ENPP3: variants seen among roughly 807,000 people sequenced by gnomAD.
The protein encoded by ENPP3 is ectonucleotide pyrophosphatase/phosphodiesterase family member 3.
Under a neutral mutation model 117.8 loss-of-function variants are expected in ENPP3, and 104 were observed. The ratio of observed to expected loss-of-function variants is 0.88; its 90% confidence interval spans 0.75 to 1.04. The LOEUF (loss-of-function observed/expected upper bound fraction) is 1.04. ENPP3 is among the 50% of genes least tolerant of loss of function. The pLI, the probability that ENPP3 is intolerant of heterozygous loss-of-function variation, is 0.00. For missense variants in ENPP3, 1,026 were observed against 1,051.9 expected (o/e 0.98, Z 0.34); for synonymous variants, 380 against 349.9 (o/e 1.09, Z -0.96).
At chr6:131,701,926 G>A (rs570409731) in intron 15 of ENPP3, among the ~76,000 whole-genome samples, 4 of 150,282 alleles carry the variant, frequency 2.7e-5, no homozygotes, top group East Asian at 3.9e-4. Context: ...GCGTGCACAC[G>A]TATACATAGG....
rs1033162101 is a variant in ENPP3 at position 131,658,764 on chromosome 6, C to T, written c.562+344C>T. Among the ~76,000 whole-genome samples, 7 of 152,154 alleles carry T rather than the reference C, an allele frequency of 4.6e-5. No individual in the cohort carries two copies. In the South Asian group the frequency reaches 1.0e-3, roughly 23 times the overall value. ...CTGGGCCTTAGCAAGGAGAATATAG[C>T]GAGAACCGGATCCTGAAGGAGCCTG... On this transcript the variant is annotated intron_variant, in intron 6 of 24. Transcript: ENST00000357639.
chr6:131,736,098 T>A (rs1041891800), intron 21 of ENPP3, among the ~76,000 whole-genome samples: 1 of 152,224 alleles, frequency 6.6e-6, no homozygotes, highest in South Asian at 2.1e-4. Flanking sequence ...CACAGAGGGA[T>A]GCAGCACTTT....
chr6:131,667,931 G>A (rs1253725431), intron 6 of ENPP3, among the ~76,000 whole-genome samples: 1 of 152,064 alleles, frequency 6.6e-6, no homozygotes, highest in Non-Finnish European at 1.5e-5. Flanking sequence ...TGCAACTCTG[G>A]GAAGACTGAA....
At chr6:131,639,263 A>ATTTTTTTTTTTTTTTTT (rs71030752) in intron 1 of ENPP3, among the ~76,000 whole-genome samples, 1 of 91,274 alleles carries the variant, frequency 1.1e-5, no homozygotes. Context: ...ATATATATAT[A>ATTTTTTTTTTTTTTTTT]TATTTTTTTT....
At chr6:131,684,177 C>T (rs1779096945) in intron 12 of ENPP3, among the ~76,000 whole-genome samples, 1 of 152,172 alleles carries the variant, frequency 6.6e-6, no homozygotes, top group Non-Finnish European at 1.5e-5. Context: ...GCCCCAATAT[C>T]TGTGAAGAGA....
intron 20 of ENPP3, among the ~76,000 whole-genome samples, chr6:131,732,698 C>G (rs1389160453): frequency 6.7e-6 from 1 of 148,372 alleles, no homozygotes; most frequent in Non-Finnish European, 1.5e-5. Context: ...AGCCACCAAG[C>G]CTGGCCTAAG....
intron 1 of ENPP3, among the ~76,000 whole-genome samples, chr6:131,637,802 A>G (rs1207380090): frequency 6.6e-6 from 1 of 152,102 alleles, no homozygotes; most frequent in Non-Finnish European, 1.5e-5. Flanking sequence ...AGAAATTAAA[A>G]TCATTGTACC....
chr6:131,671,124 C>A, intron 6 of ENPP3, 124 bp from the exon 7 acceptor site: 1 of 664,548 alleles, frequency 1.5e-6, no homozygotes, highest in Admixed American at 2.5e-5. Context: ...AACCTCTTTC[C>A]ATCTTTAATC....
intron 18 of ENPP3, 45 bp downstream of exon 18, chr6:131,722,450 C>T: frequency 6.5e-7 from 1 of 1,534,362 alleles, no homozygotes; most frequent in South Asian, 1.2e-5. Flanking sequence ...AAGGGGCAAG[C>T]TATTCTTAAC....
intron 2 of ENPP3, among the ~76,000 whole-genome samples, chr6:131,641,799 GT>G (rs540011427): frequency 8.4e-3 from 539 of 64,036 alleles, no homozygotes; most frequent in East Asian, 0.047. Flanking sequence ...CTCCACCCTG[GT>G]TTTTTTTTTT....
At chr6:131,701,877 G>A (rs1410582518) in intron 15 of ENPP3, among the ~76,000 whole-genome samples, 1 of 135,602 alleles carries the variant, frequency 7.4e-6, no homozygotes, top group Admixed American at 7.7e-5. Context: ...GCCAGACTCT[G>A]TCTCCAGAAA....
chr6:131,720,133 G>C (rs529788440), intron 16 of ENPP3, among the ~76,000 whole-genome samples, 159 bp from the exon 17 acceptor site: 2 of 151,942 alleles, frequency 1.3e-5, no homozygotes, highest in Non-Finnish European at 2.9e-5. Context: ...ATTGCAGGTG[G>C]AAAAATATGA....
At chr6:131,658,546 T>A (rs1319692933) in intron 6 of ENPP3, 126 bp downstream of exon 6, 1 of 583,318 alleles carries the variant, frequency 1.7e-6, no homozygotes, top group Non-Finnish European at 3.0e-6. Flanking sequence ...CCTCTCTGAC[T>A]TTACCACATG....
chr6:131,680,625 T>G (rs1779003966), intron 11 of ENPP3, among the ~76,000 whole-genome samples: 1 of 152,160 alleles, frequency 6.6e-6, no homozygotes, highest in Non-Finnish European at 1.5e-5. Flanking sequence ...TTTTCTGACT[T>G]TCTTAATTAT....
chr6:131,683,095 G>A lies in ENPP3; in HGVS notation c.1053G>A (p.Met351Ile), dbSNP rs750518467. The stretch of plus-strand genomic sequence containing the variant: ...AGGTAGTAGATCATGCTTTTGGGAT[G>A]TTGATGGAAGGCCTGAAGCAGCGGA... Reference protein sequence around the residue: ...ALQVVDHAFGMLMEGLKQRNL... With the variant: ...ALQVVDHAFGILMEGLKQRNL... The change falls in exon 12 of 25, where the codon ATG becomes ATA. Residue 351 changes from methionine (M) to isoleucine (I), a missense_variant. Met to Ile is a conservative substitution (Grantham distance 10). Coordinates refer to ENST00000357639, the MANE Select transcript of ENPP3 (RefSeq NM_005021.5). 4 of 1,612,570 alleles carry A rather than the reference G, an allele frequency of 2.5e-6. No individual in the cohort carries two copies. In the East Asian group the frequency reaches 6.7e-5, roughly 27 times the overall value.
intron 6 of ENPP3, among the ~76,000 whole-genome samples, chr6:131,659,650 A>T (rs1464209548): frequency 6.6e-6 from 1 of 152,172 alleles, no homozygotes; most frequent in African/African-American, 2.4e-5. Context: ...AAGATAGATC[A>T]CTACTTCCTG....
chr6:131,681,866 G>A (rs1585661068), intron 11 of ENPP3, among the ~76,000 whole-genome samples: 1 of 152,254 alleles, frequency 6.6e-6, no homozygotes, highest in South Asian at 2.1e-4. Context: ...GGGAGAGGGA[G>A]TTTTACTCTT....
At chr6:131,721,549 T>C (rs980175835) in intron 17 of ENPP3, among the ~76,000 whole-genome samples, 7 of 151,996 alleles carry the variant, frequency 4.6e-5, no homozygotes, top group African/African-American at 1.7e-4. Flanking sequence ...TTTGTATGTT[T>C]CATAGAAACA....
chr6:131,691,058 A>G (rs944886650), intron 14 of ENPP3, among the ~76,000 whole-genome samples: 1 of 152,134 alleles, frequency 6.6e-6, no homozygotes, highest in Admixed American at 6.6e-5. Flanking sequence ...ATTGCATGGC[A>G]TCACAGATAT....
Sources: allele counts gnomAD v4.1 joint callset (sites outside exome capture counted in the v4.1 genomes callset), GRCh38; gene constraint gnomAD v4.1.1; transcripts MANE v1.5; gene names NCBI Gene and HGNC (gene_info 2026-07-23, HGNC 2026-07-21).